The following MATCAP2 variants were observed in gnomAD, a reference collection of about 807,000 sequenced individuals.
The protein encoded by MATCAP2 is microtubule associated tyrosine carboxypeptidase 2.
At chr7:36,336,144 C>T in the MATCAP2 span, 1 of 1,514,612 alleles carries the variant, frequency 6.6e-7, no homozygotes, top group South Asian at 1.2e-5. Context: ...TGTTCACTCG[C>T]AGTTCATACC....
At chr7:36,332,943 G>A in the MATCAP2 span, among the ~76,000 whole-genome samples, 1 of 151,992 alleles carries the variant, frequency 6.6e-6, no homozygotes, top group African/African-American at 2.4e-5. Context: ...AAAAAGTAGA[G>A]ACTGCCTCTC....
At chr7:36,369,700 C>A in the MATCAP2 span, among the ~76,000 whole-genome samples, 1 of 152,054 alleles carries the variant, frequency 6.6e-6, no homozygotes, top group Admixed American at 6.6e-5. Flanking sequence ...GAGTACATAA[C>A]AAAAGATGAT....
the MATCAP2 span, among the ~76,000 whole-genome samples, chr7:36,329,595 GA>G: frequency 1.3e-5 from 2 of 152,170 alleles, no homozygotes; most frequent in Admixed American, 6.5e-5. Context: ...GCACAGCCAT[GA>G]AAAAGTTGAA....
At chr7:36,389,891 G>A in the MATCAP2 span, 3 of 1,509,856 alleles carry the variant, frequency 2.0e-6, no homozygotes, top group East Asian at 4.5e-5. Flanking sequence ...GAGAGGAGAG[G>A]ACAGCTGGTT....
the MATCAP2 span, among the ~76,000 whole-genome samples, chr7:36,370,798 T>A: frequency 4.6e-5 from 7 of 152,248 alleles, no homozygotes; most frequent in Non-Finnish European, 8.8e-5. Context: ...CTGATTTTAA[T>A]AATTTATGTT....
At chr7:36,356,342 C>T in the MATCAP2 span, 1 of 159,020 alleles carries the variant, frequency 6.3e-6, no homozygotes, top group African/African-American at 2.4e-5. Flanking sequence ...TGGTGAAACC[C>T]CATCTTCACT....
At chr7:36,384,446 G>C in the MATCAP2 span, among the ~76,000 whole-genome samples, 2 of 152,168 alleles carry the variant, frequency 1.3e-5, no homozygotes, top group Non-Finnish European at 1.5e-5. Context: ...ATAGGAATAA[G>C]AGTTATGCTT....
At chr7:36,335,556 A>G in the MATCAP2 span, among the ~76,000 whole-genome samples, 1 of 152,218 alleles carries the variant, frequency 6.6e-6, no homozygotes, top group African/African-American at 2.4e-5. Flanking sequence ...CACTAAGAAG[A>G]CTAATAAGAG....
At chr7:36,327,988 C>T in the MATCAP2 span, among the ~76,000 whole-genome samples, 2 of 152,030 alleles carry the variant, frequency 1.3e-5, no homozygotes, top group Admixed American at 6.6e-5. Context: ...TTTTAATTCT[C>T]CTATTTAAGA....
the MATCAP2 span, among the ~76,000 whole-genome samples, chr7:36,377,504 T>C: frequency 3.9e-5 from 6 of 152,170 alleles, no homozygotes; most frequent in Non-Finnish European, 7.4e-5. Flanking sequence ...TTGTGGGTAA[T>C]CCGACCTTTC....
the MATCAP2 span, among the ~76,000 whole-genome samples, chr7:36,369,363 A>T: frequency 6.6e-6 from 1 of 152,230 alleles, no homozygotes; most frequent in Admixed American, 6.5e-5. Flanking sequence ...CATATGTCCT[A>T]AGGAAAAAGG....
chr7:36,363,021 G>A, the MATCAP2 span, among the ~76,000 whole-genome samples: 1 of 152,148 alleles, frequency 6.6e-6, no homozygotes, highest in East Asian at 1.9e-4. Context: ...CTTATGAAAG[G>A]GGGGCCAGAG....
chr7:36,338,807 G>A, the MATCAP2 span, among the ~76,000 whole-genome samples: 4 of 152,194 alleles, frequency 2.6e-5, no homozygotes, highest in African/African-American at 9.7e-5. Context: ...TATGTAATAA[G>A]AACCTTGGCC....
chr7:36,350,071 A>G, the MATCAP2 span, among the ~76,000 whole-genome samples: 596 of 152,364 alleles, frequency 3.9e-3, 9 homozygotes, highest in African/African-American at 0.014. Context: ...TAATTTAAAG[A>G]AGGCTTACTT....
the MATCAP2 span, among the ~76,000 whole-genome samples, chr7:36,341,365 C>T: frequency 8.5e-5 from 13 of 152,262 alleles, no homozygotes; most frequent in African/African-American, 3.1e-4. Context: ...CATTGCATTC[C>T]GGGATATGTG....
At chr7:36,347,110 T>G in the MATCAP2 span, among the ~76,000 whole-genome samples, 1 of 152,190 alleles carries the variant, frequency 6.6e-6, no homozygotes, top group Non-Finnish European at 1.5e-5. Flanking sequence ...GCAGGAGAAC[T>G]GCATACTTTA....
At chr7:36,369,507 G>T in the MATCAP2 span, among the ~76,000 whole-genome samples, 5 of 152,222 alleles carry the variant, frequency 3.3e-5, no homozygotes, top group Admixed American at 6.5e-5. Flanking sequence ...CAGTTTAAGA[G>T]CTATTTCTCA....
chr7:36,358,809 C>A, the MATCAP2 span, among the ~76,000 whole-genome samples: 1 of 152,100 alleles, frequency 6.6e-6, no homozygotes, highest in African/African-American at 2.4e-5. Context: ...AAGATTTCAA[C>A]AATAATACAA....
the MATCAP2 span, chr7:36,389,915 C>G: frequency 4.4e-6 from 7 of 1,596,832 alleles, no homozygotes; most frequent in African/African-American, 1.3e-5. Context: ...GGAGAGTTCC[C>G]CCGCCTCAGA....
Sources: gnomAD v4.1 joint callset for allele counts (sites outside exome capture counted in the v4.1 genomes callset) on GRCh38, gnomAD v4.1.1 for gene constraint, MANE v1.5 for transcripts, NCBI Gene and HGNC (gene_info 2026-07-23, HGNC 2026-07-21) for gene names.